Variants in ZNG1F observed in about 807,000 individuals in gnomAD.
ZNG1F encodes Zn regulated GTPase metalloprotein activator 1F, also known as zinc-regulated GTPase metalloprotein activator 1F.
At chr9:41,178,795 T>C in the ZNG1F span, among the ~76,000 whole-genome samples, 1 of 69,382 alleles carries the variant, frequency 1.4e-5, no homozygotes, top group Non-Finnish European at 2.9e-5. Flanking sequence ...CTTAAACTCC[T>C]GAACTCGTGA....
the ZNG1F span, among the ~76,000 whole-genome samples, chr9:41,175,196 C>T: frequency 8.1e-5 from 12 of 148,468 alleles, no homozygotes; most frequent in Admixed American, 7.5e-4. Flanking sequence ...CCAAGCATCA[C>T]TCTGTGTCAA....
chr9:41,154,583 C>T, the ZNG1F span, among the ~76,000 whole-genome samples: 1 of 143,336 alleles, frequency 7.0e-6, no homozygotes, highest in Non-Finnish European at 1.5e-5. Context: ...CTGGAGGCAT[C>T]ACACTACCTG....
the ZNG1F span, among the ~76,000 whole-genome samples, chr9:41,135,041 G>T: frequency 1.2e-5 from 1 of 86,544 alleles, no homozygotes; most frequent in Admixed American, 1.5e-4. Flanking sequence ...TCATTCTTAT[G>T]CCTTTGCATC....
the ZNG1F span, chr9:41,174,321 G>A: frequency 0.9 from 1,425,132 of 1,583,680 alleles, 633,890 homozygotes; most frequent in Admixed American, 0.92. Flanking sequence ...TCCCTAATTC[G>A]GCATCAACCC....
chr9:41,187,227 C>A, the ZNG1F span, among the ~76,000 whole-genome samples: 14 of 137,406 alleles, frequency 1.0e-4, no homozygotes, highest in Non-Finnish European at 1.9e-4. Flanking sequence ...ACAAGATAGT[C>A]TCTGCCTTCA....
chr9:41,156,139 T>G, the ZNG1F span, among the ~76,000 whole-genome samples: 2 of 133,112 alleles, frequency 1.5e-5, 1 homozygote, highest in African/African-American at 6.0e-5. Context: ...GGTGTAGAAG[T>G]GTTAACGATT....
chr9:41,134,205 C>CA, the ZNG1F span, among the ~76,000 whole-genome samples: 2 of 142,720 alleles, frequency 1.4e-5, no homozygotes, highest in African/African-American at 2.6e-5. Context: ...AAATAAGGGT[C>CA]AAAAAAATAA....
At chr9:41,169,866 G>A in the ZNG1F span, among the ~76,000 whole-genome samples, 1 of 143,428 alleles carries the variant, frequency 7.0e-6, no homozygotes, top group East Asian at 2.0e-4. Flanking sequence ...GGGGGTTAGA[G>A]AGAGAAACAA....
the ZNG1F span, among the ~76,000 whole-genome samples, chr9:41,203,161 C>T: frequency 6.6e-6 from 1 of 152,252 alleles, no homozygotes; most frequent in Non-Finnish European, 1.5e-5. Flanking sequence ...TGTGCTTTTA[C>T]TAGAATGTTA....
the ZNG1F span, among the ~76,000 whole-genome samples, chr9:41,166,338 A>T: frequency 8.2e-6 from 1 of 122,248 alleles, no homozygotes; most frequent in Non-Finnish European, 1.7e-5. Flanking sequence ...CTGAGGCAGG[A>T]GAATCGCTTG....
chr9:41,144,643 G>A, the ZNG1F span, among the ~76,000 whole-genome samples: 3 of 148,346 alleles, frequency 2.0e-5, no homozygotes, highest in East Asian at 6.0e-4. Flanking sequence ...GGAAGATTAG[G>A]CACACTGCTC....
the ZNG1F span, among the ~76,000 whole-genome samples, chr9:41,187,559 G>T: frequency 6.7e-6 from 1 of 149,032 alleles, no homozygotes; most frequent in Admixed American, 6.8e-5. Flanking sequence ...GCCACTGAAA[G>T]GTGTGACGCA....
At chr9:41,183,414 T>C in the ZNG1F span, 2 of 872,422 alleles carry the variant, frequency 2.3e-6, no homozygotes, top group Non-Finnish European at 1.7e-6. Flanking sequence ...TTTAAGAAAA[T>C]GCTTCCTAAT....
chr9:41,149,740 A>C, the ZNG1F span, among the ~76,000 whole-genome samples: 1 of 151,148 alleles, frequency 6.6e-6, no homozygotes, highest in African/African-American at 2.4e-5. Flanking sequence ...GAAACGTTCC[A>C]GAGATCTGCT....
chr9:41,195,629 G>T, the ZNG1F span, among the ~76,000 whole-genome samples: 1 of 136,446 alleles, frequency 7.3e-6, no homozygotes, highest in African/African-American at 2.6e-5. Flanking sequence ...ACCATTCAAA[G>T]CCCTCAAGCT....
At chr9:41,166,565 T>C in the ZNG1F span, among the ~76,000 whole-genome samples, 3 of 125,490 alleles carry the variant, frequency 2.4e-5, no homozygotes, top group South Asian at 2.5e-4. Flanking sequence ...AACTCCTGTG[T>C]TCAGCATTCA....
At chr9:41,179,003 G>A in the ZNG1F span, among the ~76,000 whole-genome samples, 1 of 97,746 alleles carries the variant, frequency 1.0e-5, no homozygotes, top group African/African-American at 3.7e-5. Context: ...GGCTAAAGCA[G>A]CTGGTGACTT....
chr9:41,134,098 G>A, the ZNG1F span: 2 of 243,738 alleles, frequency 8.2e-6, no homozygotes, highest in Non-Finnish European at 1.6e-5. Context: ...TACAGGGCCA[G>A]GTACTTTTGC....
the ZNG1F span, among the ~76,000 whole-genome samples, chr9:41,184,923 G>A: frequency 9.3e-6 from 1 of 108,026 alleles, no homozygotes; most frequent in Admixed American, 1.1e-4. Context: ...TTTCTCTTTA[G>A]TTTATTAAAA....
Sources: gnomAD v4.1 joint callset for allele counts (sites outside exome capture counted in the v4.1 genomes callset) on GRCh38, gnomAD v4.1.1 for gene constraint, MANE v1.5 for transcripts, NCBI Gene and HGNC (gene_info 2026-07-23, HGNC 2026-07-21) for gene names.